The following TMTC1 variants were observed in gnomAD, a reference collection of about 807,000 sequenced individuals.
The protein encoded by TMTC1 is transmembrane O-mannosyltransferase targeting cadherins 1.
Under a neutral mutation model 104.8 loss-of-function variants are expected in TMTC1, and 73 were observed. The ratio of observed to expected loss-of-function variants is 0.70; its 90% CI spans 0.58 to 0.85. The LOEUF is 0.85. Ranked by LOEUF, TMTC1 falls within the 40% of genes least tolerant of loss-of-function variation. The pLI is 0.00. For missense variants in TMTC1, 1,035 were observed against 1,096.1 expected (o/e 0.94, Z 0.79); for synonymous variants, 434 against 428.7 (o/e 1.01, Z -0.15).
intron 5 of TMTC1, among the ~76,000 whole-genome samples, chr12:29,681,018 G>C (rs1940896503): frequency 6.8e-6 from 1 of 146,980 alleles, no homozygotes; most frequent in African/African-American, 2.5e-5. Flanking sequence ...AGAATCACTT[G>C]AACCTGGGAG....
chr12:29,764,462 C>G (rs1163052104), intron 2 of TMTC1, among the ~76,000 whole-genome samples: 1 of 152,142 alleles, frequency 6.6e-6, no homozygotes, highest in Non-Finnish European at 1.5e-5. Context: ...AAGCTATGAT[C>G]ATGCCATTGC....
chr12:29,636,661 T>G (rs1243095341), intron 5 of TMTC1, among the ~76,000 whole-genome samples: 1 of 151,732 alleles, frequency 6.6e-6, no homozygotes, highest in Non-Finnish European at 1.5e-5. Flanking sequence ...CTACTAAAAA[T>G]ACAAAAATTA....
At chr12:29,661,949 C>T (rs1940048753) in intron 5 of TMTC1, among the ~76,000 whole-genome samples, 1 of 152,046 alleles carries the variant, frequency 6.6e-6, no homozygotes, top group Non-Finnish European at 1.5e-5. Flanking sequence ...TGGATATCTA[C>T]ATATAAGACA....
intron 5 of TMTC1, among the ~76,000 whole-genome samples, chr12:29,649,357 A>C (rs879875002): frequency 6.6e-6 from 1 of 152,242 alleles, no homozygotes; most frequent in Non-Finnish European, 1.5e-5. Context: ...AGCAACTACA[A>C]AGAAGATAAT....
At chr12:29,777,392 C>T (rs937487833) in intron 1 of TMTC1, among the ~76,000 whole-genome samples, 3 of 152,092 alleles carry the variant, frequency 2.0e-5, no homozygotes, top group African/African-American at 7.2e-5. Flanking sequence ...CCGTGCCCGA[C>T]CTCCTTACCC....
At chr12:29,689,957 A>C (rs2136751865) in intron 5 of TMTC1, among the ~76,000 whole-genome samples, 1 of 152,332 alleles carries the variant, frequency 6.6e-6, no homozygotes, top group South Asian at 2.1e-4. Flanking sequence ...TATTTGACCA[A>C]GCCCTGTTAC....
intron 1 of TMTC1, among the ~76,000 whole-genome samples, chr12:29,775,957 A>G (rs1943697577): frequency 6.6e-6 from 1 of 152,166 alleles, no homozygotes; most frequent in South Asian, 2.1e-4. Flanking sequence ...GGGAAATTCC[A>G]AGGGATCAGA....
chr12:29,647,466 C>G (rs1357963887), intron 5 of TMTC1, among the ~76,000 whole-genome samples: 1 of 152,134 alleles, frequency 6.6e-6, no homozygotes, highest in Non-Finnish European at 1.5e-5. Flanking sequence ...ATTCAATGTT[C>G]GGAGGTTATT....
At chr12:29,710,916 A>C (rs7487893) in intron 5 of TMTC1, among the ~76,000 whole-genome samples, 1 of 52,302 alleles carries the variant, frequency 1.9e-5, no homozygotes, top group Non-Finnish European at 4.5e-5. Flanking sequence ...ATAATATATA[A>C]ATATATATAA....
chr12:29,742,734 G>T (rs1337771877), intron 5 of TMTC1, among the ~76,000 whole-genome samples: 1 of 152,144 alleles, frequency 6.6e-6, no homozygotes, highest in Non-Finnish European at 1.5e-5. Context: ...AACAAGGATG[G>T]CATTCATCAG....
intron 1 of TMTC1, among the ~76,000 whole-genome samples, chr12:29,775,315 T>G (rs1357965266): frequency 1.3e-5 from 2 of 152,072 alleles, no homozygotes; most frequent in Admixed American, 1.3e-4. Flanking sequence ...AACTCCCAGT[T>G]GAGGGCAAAG....
chr12:29,529,083 G>C (rs896450702), intron 11 of TMTC1, among the ~76,000 whole-genome samples: 6 of 152,224 alleles, frequency 3.9e-5, no homozygotes, highest in Admixed American at 3.9e-4. Flanking sequence ...CGCACATTTA[G>C]TCGGCAAAGG....
intron 11 of TMTC1, among the ~76,000 whole-genome samples, chr12:29,528,246 C>T (rs1319992177): frequency 6.6e-6 from 1 of 152,172 alleles, no homozygotes; most frequent in Non-Finnish European, 1.5e-5. Context: ...CTAGTCTCTA[C>T]TGACTTGTAA....
intron 6 of TMTC1, among the ~76,000 whole-genome samples, chr12:29,624,579 C>T (rs1399194582): frequency 6.6e-6 from 1 of 152,186 alleles, no homozygotes; most frequent in African/African-American, 2.4e-5. Context: ...ACTTTCCTGC[C>T]TCAGGGACTT....
At chr12:29,611,843 C>T (rs1302680127) in intron 6 of TMTC1, among the ~76,000 whole-genome samples, 1 of 152,138 alleles carries the variant, frequency 6.6e-6, no homozygotes, top group Non-Finnish European at 1.5e-5. Context: ...CAGTAAGTTG[C>T]AAGTGGTAGA....
At chr12:29,678,415 C>T (rs565672203) in intron 5 of TMTC1, among the ~76,000 whole-genome samples, 1 of 152,088 alleles carries the variant, frequency 6.6e-6, no homozygotes, top group Non-Finnish European at 1.5e-5. Context: ...CAGGTCTGGC[C>T]CCTAAAATCT....
At chr12:29,766,954 CTT>C (rs34235668) in intron 2 of TMTC1, among the ~76,000 whole-genome samples, 2 of 147,426 alleles carry the variant, frequency 1.4e-5, no homozygotes, top group Admixed American at 6.8e-5. Context: ...GCTATCAATA[CTT>C]TTTTTTTTTT....
chr12:29,596,585 C>A (rs913965038), intron 7 of TMTC1, among the ~76,000 whole-genome samples: 1 of 152,130 alleles, frequency 6.6e-6, no homozygotes, highest in Non-Finnish European at 1.5e-5. Flanking sequence ...GGTTATTTAG[C>A]CAACCCATAT....
chr12:29,573,857 T>G (rs1945748291), intron 8 of TMTC1, among the ~76,000 whole-genome samples: 1 of 151,822 alleles, frequency 6.6e-6, no homozygotes, highest in Admixed American at 6.6e-5. Context: ...CAGCAGAGAA[T>G]CAGTGCAAAG....
Sources: gnomAD v4.1 joint callset for allele counts (sites outside exome capture counted in the v4.1 genomes callset) on GRCh38, gnomAD v4.1.1 for gene constraint, MANE v1.5 for transcripts, NCBI Gene and HGNC (gene_info 2026-07-23, HGNC 2026-07-21) for gene names.